Variants in PSD4 observed in about 807,000 individuals in gnomAD.
PSD4 encodes PH and SEC7 domain-containing protein 4.
Under a neutral mutation model 112.5 loss-of-function variants are expected in PSD4, and 59 were observed. The observed-to-expected ratio is 0.52, with a 90% CI of 0.43 to 0.65. The LOEUF (loss-of-function observed/expected upper bound fraction) is 0.65, where lower values mean the gene tolerates loss of function less well. Ranked by LOEUF, PSD4 falls within the 30% of genes least tolerant of loss-of-function variation. The pLI is 0.00. For synonymous variants in PSD4, 533 were observed against 540.0 expected, an observed-to-expected ratio of 0.99 and a Z score of 0.18; for missense variants, 1,267 against 1,352.6, an observed-to-expected ratio of 0.94 and a Z score of 0.99.
chr2:113,182,944 C>T lies in PSD4; in HGVS notation c.488C>T (p.Ala163Val). The stretch of plus-strand genomic sequence containing the variant: ...GTGTTCTGGGCAGGCATCCTGCAGG[C>T]CCAGATGTGTGTCCTAGACCTGGAG... ...QVVFWAGILQ[A>V]QMCVLDLEEE... The change falls in exon 2 of 17, where the codon GCC (alanine) becomes GTC (valine). Residue 163 changes from alanine (A) to valine (V), a missense_variant. Ala to Val is a moderately conservative substitution (Grantham distance 64). Transcript: ENST00000245796. 6.2e-7 allele frequency: 1 copy of T among 1,614,196 alleles called. No homozygotes were observed. The highest frequency in any genetic ancestry group is 8.5e-7 in the Non-Finnish European group (1 of 1,180,028).
chr2:113,207,445 TCTCC>T lies in PSD4; in HGVS notation c.*6031_*6034del, dbSNP rs1369271423. On this transcript the variant is annotated 3_prime_UTR_variant, in exon 17 of 17. Coordinates refer to ENST00000245796, the MANE Select transcript of PSD4 (RefSeq NM_012455.3). ...GAAACTCTGTAACTCTCCTCTCCTCTCTCCTCTTCTTTTTTTTTTTTTTTTTTTT... is the reference window on the plus strand; with the variant it reads ...GAAACTCTGTAACTCTCCTCTCCTCTTCTTCTTTTTTTTTTTTTTTTTTTT... 5 of 113,746 alleles carry T rather than the reference TCTCC, an allele frequency of 4.4e-5. No individual in the cohort carries two copies. The highest frequency in any genetic ancestry group is 8.6e-3 in the Middle Eastern group (2 of 232). 7.0% of individuals were successfully genotyped at this position (113,746 alleles called of 1,614,324 possible). A position where few individuals can be genotyped will look rare whatever the true frequency, so the allele number is the denominator to read the frequency against.
At position 113,201,622 on chromosome 2, in the gene PSD4, G is replaced by C; in HGVS notation, c.*207G>C. The C allele has an allele frequency of 1.4e-6, 1 of 702,392 alleles. No homozygotes were observed. The highest frequency in any genetic ancestry group is 2.3e-6 in the Non-Finnish European group (1 of 434,708). 43.5% of individuals were successfully genotyped at this position (702,392 alleles called of 1,614,324 possible). A position where few individuals can be genotyped will look rare whatever the true frequency, so the allele number is the denominator to read the frequency against. On this transcript the variant is annotated 3_prime_UTR_variant, in exon 17 of 17. Transcript: ENST00000245796. Reference sequence around the variant, plus strand: ...TTGCTGTGCTCCCCACCACCCCCATGGCAGTCCCTCCGCAGCCCCAGTCCC... The same window carrying C: ...TTGCTGTGCTCCCCACCACCCCCATCGCAGTCCCTCCGCAGCCCCAGTCCC...
intron 10 of PSD4, among the ~76,000 whole-genome samples, chr2:113,195,353 G>A (rs1361294614): frequency 6.6e-6 from 1 of 151,994 alleles, no homozygotes; most frequent in African/African-American, 2.4e-5. Context: ...GTAGAGACAG[G>A]GTTTCATCAT....
At chr2:113,191,758 G>A (rs1688445383) in intron 5 of PSD4, among the ~76,000 whole-genome samples, 1 of 152,172 alleles carries the variant, frequency 6.6e-6, no homozygotes, top group Admixed American at 6.5e-5. Context: ...GGACTGGGAG[G>A]TTCTGAGTCG....
chr2:113,193,198 T>G, intron 7 of PSD4, 60 bp from the exon 8 acceptor site: 1 of 1,600,278 alleles, frequency 6.2e-7, no homozygotes, highest in East Asian at 2.2e-5. Context: ...AGCCTGAGGC[T>G]GGGATCTGAT....
intron 1 of PSD4, among the ~76,000 whole-genome samples, chr2:113,178,397 C>G (rs564441975): frequency 4.7e-4 from 72 of 151,856 alleles, no homozygotes; most frequent in Non-Finnish European, 4.3e-4. Context: ...TCTCTTTGCT[C>G]GGAAAGCTGC....
At chr2:113,181,978 T>C (rs1688148093) in intron 1 of PSD4, among the ~76,000 whole-genome samples, 1 of 152,204 alleles carries the variant, frequency 6.6e-6, no homozygotes, top group African/African-American at 2.4e-5. Flanking sequence ...GCTTCCTTGA[T>C]ACCTAGAGGC....
chr2:113,193,527 G>T, intron 8 of PSD4, 65 bp from the exon 9 acceptor site: 1 of 1,555,796 alleles, frequency 6.4e-7, no homozygotes, highest in Non-Finnish European at 8.9e-7. Context: ...CACGCAGTGT[G>T]GGCAGAGGAA....
chr2:113,189,356 TATATATATATAC>T (rs1688390828), intron 5 of PSD4, among the ~76,000 whole-genome samples: 4 of 150,024 alleles, frequency 2.7e-5, no homozygotes, highest in South Asian at 4.2e-4. Context: ...TAATAGTATA[TATATATATATAC>T]ACACACACAT....
chr2:113,200,658 C>T (rs980824536), intron 16 of PSD4, among the ~76,000 whole-genome samples: 3 of 152,188 alleles, frequency 2.0e-5, no homozygotes, highest in African/African-American at 7.2e-5. Flanking sequence ...GGTGAGGAAG[C>T]ACTTTGTAAA....
At chr2:113,179,231 T>C (rs1436893446) in intron 1 of PSD4, among the ~76,000 whole-genome samples, 1 of 152,158 alleles carries the variant, frequency 6.6e-6, no homozygotes, top group East Asian at 1.9e-4. Context: ...GTCTCAGGCC[T>C]CTTGCCCAGA....
At chr2:113,180,621 G>C (rs1396971429) in intron 1 of PSD4, among the ~76,000 whole-genome samples, 1 of 151,438 alleles carries the variant, frequency 6.6e-6, no homozygotes, top group African/African-American at 2.4e-5. Flanking sequence ...CACCAGCTGT[G>C]AGTCATTAAG....
chr2:113,192,074 C>A (rs942013602), intron 5 of PSD4, among the ~76,000 whole-genome samples: 3 of 151,740 alleles, frequency 2.0e-5, no homozygotes, highest in South Asian at 2.1e-4. Context: ...GAGAAAACAA[C>A]GCTAGGGGCC....
intron 5 of PSD4, among the ~76,000 whole-genome samples, chr2:113,191,396 C>G (rs1383797344): frequency 6.6e-6 from 1 of 152,174 alleles, no homozygotes; most frequent in Non-Finnish European, 1.5e-5. Context: ...CTGCCTTAGC[C>G]TCCTGAGTAG....
chr2:113,183,194 C>T lies in PSD4; in HGVS notation c.738C>T (p.Phe246=), dbSNP rs761313374. Residue 246 remains phenylalanine (F), a synonymous_variant, in exon 2 of 17, where the codon TTC becomes TTT. Transcript: ENST00000245796. ...GAGCTGAGGAGGAGAGCATGTTCTT[C>T]AGCAACCCCCTCTTCCTGGCGAGTC... ...QWGAEEESMF[F]SNPLFLASPC... is the part of the protein sequence containing the mutation. The T allele has an allele frequency of 6.2e-7, 1 of 1,614,218 alleles. No homozygotes were observed. Among genetic ancestry groups the T allele is most frequent in the Admixed American group, 1.7e-5 (1 of 60,030 alleles).
intron 1 of PSD4, among the ~76,000 whole-genome samples, chr2:113,174,981 C>T (rs1304955543): frequency 6.6e-6 from 1 of 152,194 alleles, no homozygotes; most frequent in Non-Finnish European, 1.5e-5. Flanking sequence ...GCAGGCCTGT[C>T]TCCCAGCTGC....
Position 113,197,724 on chromosome 2 carries a change from C to A in PSD4, c.2458-23C>A, listed in dbSNP as rs112850125. On this transcript the variant is annotated intron_variant, in intron 13 of 16. Coordinates refer to ENST00000245796, the MANE Select transcript of PSD4 (RefSeq NM_012455.3). ...GGTGGGCAGCTGATGATAACCTCTT[C>A]TCTGAGCCCCTGTGACTGGTAGCAG... The A allele has an allele frequency of 4.0e-3, 6,491 of 1,608,058 alleles. 19 individuals are homozygous for A. The highest frequency in any genetic ancestry group is 5.2e-3 in the Non-Finnish European group (6,082 of 1,175,120).
chr2:113,185,765 A>G, intron 4 of PSD4, 112 bp from the exon 5 acceptor site: 1 of 1,550,408 alleles, frequency 6.4e-7, no homozygotes, highest in South Asian at 1.2e-5. Flanking sequence ...AGGACAGGGC[A>G]TGCTGCCAGG....
rs553836509 is a variant in PSD4 at position 113,203,627 on chromosome 2, T to G, written c.*2212T>G. On this transcript the variant is annotated 3_prime_UTR_variant, in exon 17 of 17. Transcript: ENST00000245796. The stretch of plus-strand genomic sequence containing the variant: ...TAACCCAGGCTGGAGTGCAATGGTG[T>G]GATCTTGGCTGACTGCAACCTCCAC... 7.0e-6 allele frequency: 1 copy of G among 142,976 alleles called. No homozygotes were observed. Among genetic ancestry groups the G allele is most frequent in the African/African-American group, 2.6e-5 (1 of 38,352 alleles). The allele number at this position is 142,976 out of a possible 1,614,324, so 8.9% of individuals were successfully genotyped here.
Sources: allele counts gnomAD v4.1 joint callset (sites outside exome capture counted in the v4.1 genomes callset), GRCh38; gene constraint gnomAD v4.1.1; transcripts MANE v1.5; gene names NCBI Gene and HGNC (gene_info 2026-07-23, HGNC 2026-07-21).